The following GRK5 variants were observed in gnomAD, a reference collection of about 807,000 sequenced individuals.
The protein encoded by GRK5 is g protein-coupled receptor kinase GRK5.
A neutral mutation model predicts 78.4 loss-of-function variants in GRK5; 40 were observed. The ratio of observed to expected loss-of-function variants is 0.51; its 90% CI spans 0.40 to 0.66. The LOEUF is 0.66. GRK5 is among the 30% of genes least tolerant of loss of function. The pLI, the probability that GRK5 is intolerant of heterozygous loss-of-function variation, is 0.00. For missense variants in GRK5, 598 were observed against 759.9 expected (o/e 0.79, Z 2.50); for synonymous variants, 289 against 296.8 (o/e 0.97, Z 0.27).
chr10:119,226,547 CTTT>C (rs869156632), intron 1 of GRK5, among the ~76,000 whole-genome samples: 9 of 125,006 alleles, frequency 7.2e-5, no homozygotes, highest in Admixed American at 1.6e-4. Context: ...GTCTCTGTAT[CTTT>C]TTTTTTTTTT....
rs942532972 is a variant in GRK5 at position 119,238,365 on chromosome 10, T to C, written c.52+30396T>C. Among the ~76,000 whole-genome samples the C allele has an allele frequency of 3.9e-5, 6 of 152,146 alleles. No homozygotes were observed. Among genetic ancestry groups the C allele is most frequent in the Admixed American group, 2.0e-4 (3 of 15,280 alleles). On this transcript the variant is annotated intron_variant, in intron 1 of 15. Transcript: ENST00000392870. The surrounding 1 kb of genome is among the most constrained non-coding windows in gnomAD (Gnocchi z 4.7). ...ATTTCCTCTGGAGGTTTAAAATAAA[T>C]AGCAGGTACTTGATTTCATCTGGAA...
chr10:119,443,785 G>A (rs1201734206), intron 12 of GRK5, 33 bp downstream of exon 12: 1 of 1,551,904 alleles, frequency 6.4e-7, no homozygotes, highest in East Asian at 2.3e-5. Flanking sequence ...CCACCCTCAA[G>A]CTGGTGGCTC....
At chr10:119,295,288 C>T (rs1273977951) in intron 1 of GRK5, among the ~76,000 whole-genome samples, 1 of 151,566 alleles carries the variant, frequency 6.6e-6, no homozygotes, top group African/African-American at 2.4e-5. Context: ...GCCCTAGACT[C>T]AACACTGGTC....
At position 119,264,283 on chromosome 10, in the gene GRK5, T is replaced by A. The variant is rs546217014; in HGVS notation, c.52+56314T>A. 6.6e-6 allele frequency among the ~76,000 whole-genome samples: 1 copy of A among 152,298 alleles called. No homozygotes were observed. Among genetic ancestry groups the A allele is most frequent in the East Asian group, 1.9e-4 (1 of 5,178 alleles). On this transcript the variant is annotated intron_variant, in intron 1 of 15. Coordinates refer to ENST00000392870, the MANE Select transcript of GRK5 (RefSeq NM_005308.3). The surrounding 1 kb of genome is among the most constrained non-coding windows in gnomAD (Gnocchi z 4.1). ...CAGGTGACAGAAGCTCAACTCCAAC[T>A]AGCTTAAGCAAAACAAATAAACAAA...
chr10:119,448,152 G>C lies in GRK5; in HGVS notation c.1296G>C (p.Leu432=), dbSNP rs1853193325. 3 of 1,564,218 alleles carry C rather than the reference G, an allele frequency of 1.9e-6. No homozygotes were observed. Among genetic ancestry groups the C allele is most frequent in the Non-Finnish European group, 2.6e-6 (3 of 1,161,342 alleles). The change falls in exon 13 of 16, where the codon CTG becomes CTC. Residue 432 remains leucine (L), a synonymous_variant. Coordinates refer to ENST00000392870, the MANE Select transcript of GRK5 (RefSeq NM_005308.3). ...TCACGAAAGATGCGAAGCAGAGGCTGGGCTGCCAGGAGGAGGGGGCTGCAG... is the reference window on the plus strand; with the variant it reads ...TCACGAAAGATGCGAAGCAGAGGCTCGGCTGCCAGGAGGAGGGGGCTGCAG... The part of the protein sequence containing the change: ...MLLTKDAKQR[L]GCQEEGAAEV...
At chr10:119,396,245 G>C (rs1852051552) in intron 3 of GRK5, among the ~76,000 whole-genome samples, 1 of 152,208 alleles carries the variant, frequency 6.6e-6, no homozygotes, top group African/African-American at 2.4e-5. Flanking sequence ...AGCTTACAAG[G>C]TCTGAGTGAC....
At position 119,414,303 on chromosome 10, in the gene GRK5, C is replaced by T. The variant is rs549767784; in HGVS notation, c.340-8863C>T. 3.5e-4 allele frequency among the ~76,000 whole-genome samples: 53 copies of T among 152,368 alleles called. No homozygotes were observed. In the South Asian group the frequency reaches 0.011, roughly 30 times the overall value. ...CCGACCTTTTGTCCACTGACGGAAC[C>T]ATGGCTAATGAGCGCGGAGCTCCTC... On this transcript the variant is annotated intron_variant, in intron 4 of 15. Coordinates refer to ENST00000392870, the MANE Select transcript of GRK5 (RefSeq NM_005308.3).
Position 119,336,131 on chromosome 10 carries a change from T to G in GRK5, c.148+9520T>G, listed in dbSNP as rs1850882365. On this transcript the variant is annotated intron_variant, in intron 2 of 15. Coordinates refer to ENST00000392870, the MANE Select transcript of GRK5 (RefSeq NM_005308.3). This position sits in a 1 kb window ranked among gnomAD's most constrained non-coding sequence, Gnocchi z 4.5. ...TGTTTTTGTGCTGAGGTGAAGTGGG[T>G]TCAGTGTCCCAGAGACTGTTGCCTT... The G allele has an allele frequency of 6.6e-6, 1 of 152,336 alleles. No homozygotes were observed. The highest frequency in any genetic ancestry group is 2.4e-5 in the African/African-American group (1 of 41,454). 9.4% of individuals were successfully genotyped at this position (152,336 alleles called of 1,614,324 possible). A position where few individuals can be genotyped will look rare whatever the true frequency, so the allele number is the denominator to read the frequency against.
At chr10:119,416,015 G>A (rs998235208) in intron 4 of GRK5, among the ~76,000 whole-genome samples, 6 of 152,184 alleles carry the variant, frequency 3.9e-5, no homozygotes, top group Non-Finnish European at 1.5e-5. Flanking sequence ...GGGTGACGCG[G>A]GGCAAAGGAT....
chr10:119,441,967 C>A, intron 10 of GRK5, 32 bp from the exon 11 acceptor site: 1 of 1,583,168 alleles, frequency 6.3e-7, no homozygotes, highest in Non-Finnish European at 8.7e-7. Context: ...GCGGCTGTCC[C>A]AGGGACCCAC....
At chr10:119,339,089 A>G (rs1850940368) in intron 2 of GRK5, among the ~76,000 whole-genome samples, 1 of 152,148 alleles carries the variant, frequency 6.6e-6, no homozygotes. Context: ...ATCCACAGAC[A>G]CCATTAACCT....
intron 1 of GRK5, among the ~76,000 whole-genome samples, chr10:119,275,220 G>C (rs994994869): frequency 3.9e-5 from 6 of 152,168 alleles, no homozygotes; most frequent in Admixed American, 3.9e-4. Context: ...GACGGGATAA[G>C]CGCCTGGAGT....
At chr10:119,392,130 A>G (rs758723195) in intron 3 of GRK5, among the ~76,000 whole-genome samples, 5 of 152,248 alleles carry the variant, frequency 3.3e-5, no homozygotes, top group Non-Finnish European at 7.3e-5. Context: ...TGATGATGCA[A>G]TTAGGGCAGG....
chr10:119,256,453 G>C (rs530191916), intron 1 of GRK5, among the ~76,000 whole-genome samples: 2 of 152,302 alleles, frequency 1.3e-5, no homozygotes, highest in East Asian at 3.9e-4. Context: ...TTGGGGTTCA[G>C]AGAATGTAGG....
chr10:119,282,783 TC>T (rs1408435800), intron 1 of GRK5, among the ~76,000 whole-genome samples: 3 of 152,170 alleles, frequency 2.0e-5, no homozygotes, highest in Admixed American at 2.0e-4. Context: ...CCCAGAGGCT[TC>T]CGGGAGGCTT....
rs115894179 is a variant in GRK5, at chr10:119,245,471, C to T, written c.52+37502C>T. Among the ~76,000 whole-genome samples, 611 of 152,210 alleles carry T rather than the reference C, an allele frequency of 4.0e-3. 4 individuals are homozygous for T. Among genetic ancestry groups the T allele is most frequent in the African/African-American group, 0.014 (579 of 41,514 alleles). On this transcript the variant is annotated intron_variant, in intron 1 of 15. Transcript: ENST00000392870. ...TATTAAAAAGGAAATCCTGCCATAGCCACAACATGTATGAACTTGTAGGAC... is the reference window on the plus strand; with the variant it reads ...TATTAAAAAGGAAATCCTGCCATAGTCACAACATGTATGAACTTGTAGGAC...
At chr10:119,310,914 C>T (rs1328861584) in intron 1 of GRK5, among the ~76,000 whole-genome samples, 1 of 152,162 alleles carries the variant, frequency 6.6e-6, no homozygotes, top group Middle Eastern at 3.2e-3. Flanking sequence ...AGCAGCCCAG[C>T]CCTCCCCGTC....
chr10:119,242,834 T>C (rs767584937), intron 1 of GRK5, among the ~76,000 whole-genome samples: 10 of 152,040 alleles, frequency 6.6e-5, no homozygotes, highest in Non-Finnish European at 1.3e-4. Context: ...TCCGCCATGA[T>C]TGTAAGTTTC....
intron 2 of GRK5, among the ~76,000 whole-genome samples, chr10:119,344,391 C>G (rs1277530553): frequency 6.6e-6 from 1 of 152,160 alleles, no homozygotes; most frequent in Non-Finnish European, 1.5e-5. Flanking sequence ...CAAGTGATCT[C>G]ATTGTTCAAT....
Sources: gnomAD v4.1 joint callset for allele counts (sites outside exome capture counted in the v4.1 genomes callset) on GRCh38, gnomAD v4.1.1 for gene constraint, Gnocchi (gnomAD v3.1) non-coding constraint, MANE v1.5 for transcripts, NCBI Gene and HGNC (gene_info 2026-07-23, HGNC 2026-07-21) for gene names.